Variants in HPD observed in about 807,000 individuals in gnomAD.
HPD encodes 4-hydroxyphenylpyruvic acid oxidase.
Under a neutral mutation model 56.9 loss-of-function variants are expected in HPD, and 35 were observed. That is an observed-to-expected ratio of 0.62 (90% confidence interval 0.47 to 0.82). The LOEUF is 0.82. HPD is among the 40% of genes least tolerant of loss of function. The pLI, the probability that HPD is intolerant of heterozygous loss-of-function variation, is 0.00. For synonymous variants in HPD, 186 were observed against 200.2 expected, an observed-to-expected ratio of 0.93 and a Z score of 0.60; for missense variants, 442 against 506.8, an observed-to-expected ratio of 0.87 and a Z score of 1.23.
At chr12:121,862,339 C>T (rs916905911), upstream of HPD, among the ~76,000 whole-genome samples, 1 of 151,744 alleles carries the variant, frequency 6.6e-6, no homozygotes, top group Non-Finnish European at 1.5e-5. Flanking sequence ...CTCTTGCTGC[C>T]CAGGCTGGAG....
At chr12:121,850,195 G>A (rs1877718708) in intron 7 of HPD, among the ~76,000 whole-genome samples, 1 of 152,090 alleles carries the variant, frequency 6.6e-6, no homozygotes, top group Non-Finnish European at 1.5e-5. Flanking sequence ...GCCAAGGCGG[G>A]TGGATCATGA....
chr12:121,850,143 C>CT (rs1877716985), intron 7 of HPD, among the ~76,000 whole-genome samples: 1 of 151,992 alleles, frequency 6.6e-6, no homozygotes. Flanking sequence ...GAAGAGCAGC[C>CT]TGGCGCGGTG....
chr12:121,883,849 AT>A, the HPD span, among the ~76,000 whole-genome samples: 1 of 151,890 alleles, frequency 6.6e-6, no homozygotes, highest in Non-Finnish European at 1.5e-5. Context: ...CTTCATGTGG[AT>A]TTGCTAATTG....
the HPD span, among the ~76,000 whole-genome samples, chr12:121,886,798 C>G: frequency 6.6e-6 from 1 of 151,986 alleles, no homozygotes; most frequent in Non-Finnish European, 1.5e-5. Flanking sequence ...ACCAGTTGGC[C>G]CAATAAGTCT....
intron 11 of HPD, among the ~76,000 whole-genome samples, chr12:121,846,440 C>T (rs1877584835): frequency 6.6e-6 from 1 of 152,176 alleles, no homozygotes; most frequent in African/African-American, 2.4e-5. Context: ...TGGTCTCAAA[C>T]TCCTGACCTC....
At chr12:121,872,354 G>A in the HPD span, among the ~76,000 whole-genome samples, 1 of 151,490 alleles carries the variant, frequency 6.6e-6, no homozygotes, top group Non-Finnish European at 1.5e-5. Context: ...AGCCTCCTGA[G>A]TAGCTGGGAC....
upstream of HPD, among the ~76,000 whole-genome samples, chr12:121,862,804 C>T (rs181886652): frequency 5.4e-4 from 80 of 148,840 alleles, no homozygotes; most frequent in African/African-American, 1.7e-3. Context: ...CCTCAGCCTC[C>T]GGAGTAGCTG....
intron 12 of HPD, among the ~76,000 whole-genome samples, chr12:121,842,301 C>T (rs541704422): frequency 6.6e-6 from 1 of 151,416 alleles, no homozygotes; most frequent in East Asian, 2.0e-4. Context: ...TTTTTTAAAA[C>T]TGTTTTTTTT....
chr12:121,882,242 G>A, the HPD span, among the ~76,000 whole-genome samples: 1 of 152,044 alleles, frequency 6.6e-6, no homozygotes, highest in South Asian at 2.1e-4. Flanking sequence ...AGAGTGAGGT[G>A]AAACATGGAA....
the HPD span, among the ~76,000 whole-genome samples, chr12:121,871,143 C>T: frequency 6.6e-6 from 1 of 152,040 alleles, no homozygotes; most frequent in East Asian, 1.9e-4. Context: ...AGACAGATCG[C>T]TTGAGCCTAG....
rs749662591 is a variant in HPD at position 121,847,178 on chromosome 12, G to C, written c.633C>G (p.Ser211=). 5.6e-6 allele frequency: 9 copies of C among 1,613,998 alleles called. 1 individual carries two copies. Among genetic ancestry groups the C allele is most frequent in the South Asian group, 2.2e-5 (2 of 91,080 alleles). ...LKNLQFHRFW[S]VDDTQVHTEY... ...CCGTGTGCACCTGCGTGTCATCCAC[G>C]GACCAGAAGCGGTGGAACTGCAGGT... Residue 211 remains serine, a synonymous_variant, in exon 10 of 14, where the codon TCC becomes TCG. Coordinates refer to ENST00000289004, the MANE Select transcript of HPD (RefSeq NM_002150.3).
upstream of HPD, chr12:121,859,339 T>A (rs1177046033): frequency 4.7e-6 from 1 of 214,852 alleles, no homozygotes; most frequent in African/African-American, 2.3e-5. Flanking sequence ...AAAATCACCA[T>A]ATCCCTTTGA....
upstream of HPD, chr12:121,859,169 A>G (rs1027923887): frequency 3.5e-5 from 14 of 399,912 alleles, no homozygotes; most frequent in Non-Finnish European, 6.2e-5. Context: ...GCTGGAGTGC[A>G]GTGGCGGCTC....
chr12:121,872,049 G>A, the HPD span, among the ~76,000 whole-genome samples: 10 of 147,182 alleles, frequency 6.8e-5, no homozygotes, highest in South Asian at 1.3e-3. Context: ...TGGCCAAGAT[G>A]GTGAAACCCC....
intron 11 of HPD, among the ~76,000 whole-genome samples, chr12:121,844,755 C>G (rs1245134150): frequency 6.6e-6 from 1 of 151,706 alleles, no homozygotes; most frequent in African/African-American, 2.4e-5. Context: ...GTGGTGGGAG[C>G]GTGTAGTCCC....
At position 121,849,771 on chromosome 12, in the gene HPD, G is replaced by A. The variant is rs773164712; in HGVS notation, c.434C>T (p.Thr145Ile). The change falls in exon 8 of 14, where the codon ACC becomes ATC. Residue 145 changes from threonine (T) to isoleucine (I), a missense_variant. Thr to Ile is a moderately conservative substitution (Grantham distance 89). Coordinates refer to ENST00000289004, the MANE Select transcript of HPD (RefSeq NM_002150.3). ...VLQTYGDTTH[T>I]LVEKMNYIGQ... ...GATGTAGTTCATCTTCTCCACCAGGGTGTGTGTGGTGTCCCCATACTACGG... is the reference window on the plus strand; with the variant it reads ...GATGTAGTTCATCTTCTCCACCAGGATGTGTGTGGTGTCCCCATACTACGG... The A allele has an allele frequency of 2.7e-5, 44 of 1,612,946 alleles. No individual in the cohort carries two copies. Among genetic ancestry groups the A allele is most frequent in the Non-Finnish European group, 3.7e-5 (44 of 1,179,288 alleles).
chr12:121,859,508 G>A (rs192555345), upstream of HPD, among the ~76,000 whole-genome samples: 453 of 152,274 alleles, frequency 3.0e-3, 4 homozygotes, highest in Middle Eastern at 0.014. Flanking sequence ...CAAGCGGCAG[G>A]GAAGAACTGG....
At chr12:121,885,809 A>C in the HPD span, among the ~76,000 whole-genome samples, 2 of 151,724 alleles carry the variant, frequency 1.3e-5, no homozygotes, top group Non-Finnish European at 2.9e-5. Context: ...CTAAAAATAC[A>C]AAAAAATTAG....
chr12:121,884,711 T>G, the HPD span, among the ~76,000 whole-genome samples: 1 of 152,172 alleles, frequency 6.6e-6, no homozygotes, highest in Non-Finnish European at 1.5e-5. Context: ...AATTTTATCT[T>G]GAAGTGGTTT....
Sources: allele counts gnomAD v4.1 joint callset (sites outside exome capture counted in the v4.1 genomes callset), GRCh38; gene constraint gnomAD v4.1.1; transcripts MANE v1.5; gene names NCBI Gene and HGNC (gene_info 2026-07-23, HGNC 2026-07-21).